The following ELAVL3 variants were observed in gnomAD, a reference collection of about 807,000 sequenced individuals.
The protein encoded by ELAVL3 is ELAV like RNA binding protein 3.
Under a neutral mutation model 34.2 loss-of-function variants are expected in ELAVL3, and 8 were observed. The ratio of observed to expected loss-of-function variants is 0.23; its 90% CI spans 0.14 to 0.42. ELAVL3 has a LOEUF of 0.42. ELAVL3 is among the 10% of genes least tolerant of loss of function. The probability of loss-of-function intolerance (pLI) is 1.00; values close to 1 mark genes in which losing one functional copy is unlikely to be tolerated. For missense variants in ELAVL3, 273 were observed against 518.8 expected (o/e 0.53, Z 4.60); for synonymous variants, 209 against 222.1 (o/e 0.94, Z 0.53).
chr19:11,465,497 TC>T lies in ELAVL3; in HGVS notation c.333+674del, dbSNP rs374284568. Among the ~76,000 whole-genome samples, 69 of 148,966 alleles carry T rather than the reference TC, an allele frequency of 4.6e-4. 1 individual carries two copies. The East Asian group carries it at 8.1e-3, about 17-fold the overall frequency. On this transcript the variant is annotated intron_variant, in intron 3 of 6. Coordinates refer to ENST00000359227, the MANE Select transcript of ELAVL3 (RefSeq NM_001420.4). ...GGGACCCATTGGGTCACAACTTCAC[TC>T]CCCCACCCCAATCCCCAACCCCCCA...
intron 1 of ELAVL3, among the ~76,000 whole-genome samples, chr19:11,471,944 G>A (rs191564460): frequency 1.3e-5 from 2 of 152,298 alleles, no homozygotes; most frequent in Non-Finnish European, 1.5e-5. Context: ...AACAGTGCTG[G>A]GATTTGACTG....
intron 5 of ELAVL3, 67 bp from the exon 6 acceptor site, chr19:11,457,215 C>T (rs1970786765): frequency 1.4e-6 from 2 of 1,475,194 alleles, no homozygotes; most frequent in Admixed American, 2.4e-5. Flanking sequence ...ACACCGTCGG[C>T]CTGCCCTCCC....
In ELAVL3 at chr19:11,457,141, T is replaced by C. The variant is rs1276753096; in HGVS notation, c.721A>G (p.Asn241Asp). ...HHQTQRFRLDNLLNMAYGVKS... is the reference protein window; with the variant it reads ...HHQTQRFRLDDLLNMAYGVKS... ...ACGCCGTAGGCCATGTTGAGCAAATTGTCCAGCCTGTGGAGGCAGAGGTGG... is the reference window on the plus strand; with the variant it reads ...ACGCCGTAGGCCATGTTGAGCAAATCGTCCAGCCTGTGGAGGCAGAGGTGG... Residue 241 changes from asparagine to aspartate, a missense_variant, in exon 6 of 7, where the codon AAT (asparagine) becomes GAT (aspartate). Around this residue, in one of 4 missense-constraint regions of ELAVL3, gnomAD observed 79 missense variants for 108.2 expected, o/e 0.73. Coordinates refer to ENST00000359227, the MANE Select transcript of ELAVL3 (RefSeq NM_001420.4). The C allele has an allele frequency of 3.2e-6, 5 of 1,547,916 alleles. No individual in the cohort carries two copies. Among genetic ancestry groups the C allele is most frequent in the Admixed American group, 2.1e-5 (1 of 47,912 alleles).
Position 11,457,930 on chromosome 19 carries a change from CAGAT to C in ELAVL3, c.713+127_713+130del, listed in dbSNP as rs1452548924. The C allele has an allele frequency of 2.5e-5, 24 of 945,612 alleles. No homozygotes were observed. The Admixed American group carries it at 3.5e-4, about 14-fold the overall frequency. 58.6% of individuals were successfully genotyped at this position (945,612 alleles called of 1,614,324 possible). On this transcript the variant is annotated intron_variant, in intron 5 of 6. Transcript: ENST00000359227. ...ATGAGTGGCTGGCCTTGGCACCTGACAGATAGGCTCCTTGGCTCCCATGTGTGCG... is the reference window on the plus strand; with the variant it reads ...ATGAGTGGCTGGCCTTGGCACCTGACAGGCTCCTTGGCTCCCATGTGTGCG...
chr19:11,469,675 AT>A (rs1327288453), intron 1 of ELAVL3, among the ~76,000 whole-genome samples: 1 of 152,236 alleles, frequency 6.6e-6, no homozygotes, highest in African/African-American at 2.4e-5. Flanking sequence ...GCTTGATTTA[AT>A]TTGCTGAATT....
In ELAVL3 at chr19:11,452,493, T is replaced by G. The variant is rs1297317418; in HGVS notation, c.*2033A>C. 6.6e-6 allele frequency: 1 copy of G among 152,046 alleles called. No individual in the cohort carries two copies. The highest frequency in any genetic ancestry group is 6.6e-5 in the Admixed American group (1 of 15,266). The allele number at this position is 152,046 out of a possible 1,614,324, so 9.4% of individuals were successfully genotyped here. Reference sequence around the variant, plus strand: ...TTATGTCTTTTTTTTTTTTCCTTTTTTTTTTTTAAATCTCTTCTGTGTGTT... The same window carrying G: ...TTATGTCTTTTTTTTTTTTCCTTTTGTTTTTTTAAATCTCTTCTGTGTGTT... On this transcript the variant is annotated 3_prime_UTR_variant, in exon 7 of 7. Coordinates refer to ENST00000359227, the MANE Select transcript of ELAVL3 (RefSeq NM_001420.4).
intron 1 of ELAVL3, among the ~76,000 whole-genome samples, chr19:11,473,877 A>G (rs1204731467): frequency 6.6e-6 from 1 of 152,120 alleles, no homozygotes; most frequent in Non-Finnish European, 1.5e-5. Flanking sequence ...TTTGCTGCAA[A>G]CTCCAAATTA....
intron 1 of ELAVL3, among the ~76,000 whole-genome samples, chr19:11,476,323 A>T (rs1971262340): frequency 6.6e-6 from 1 of 152,106 alleles, no homozygotes; most frequent in Admixed American, 6.6e-5. Flanking sequence ...AAGATCATTT[A>T]AGCCTAGGAG....
In ELAVL3 at chr19:11,474,664, G is replaced by A. The variant is rs143854904; in HGVS notation, c.9+5936C>T. Among the ~76,000 whole-genome samples, 1,138 of 152,074 alleles carry A rather than the reference G, an allele frequency of 7.5e-3. 7 individuals carry two copies. Among genetic ancestry groups the A allele is most frequent in the South Asian group, 0.015 (74 of 4,808 alleles). ...GCCTATTATTCTTTTATTTAAAGAT[G>A]GGGTCTCTCTATGTTGTCCAGCCTG... On this transcript the variant is annotated intron_variant, in intron 1 of 6. Coordinates refer to ENST00000359227, the MANE Select transcript of ELAVL3 (RefSeq NM_001420.4).
intron 3 of ELAVL3, among the ~76,000 whole-genome samples, chr19:11,461,348 G>C (rs1970879808): frequency 6.6e-6 from 1 of 152,110 alleles, no homozygotes; most frequent in Non-Finnish European, 1.5e-5. Flanking sequence ...TGGTAGGGAA[G>C]TCCACCTCTC....
chr19:11,466,314 C>T lies in ELAVL3; in HGVS notation c.230-39G>A. ...CAGAATGATGACCTTCCCACCCAGC[C>T]TTGACACCTGCCAGTGTCCCACCTC... On this transcript the variant is annotated intron_variant, in intron 2 of 6. Coordinates refer to ENST00000359227, the MANE Select transcript of ELAVL3 (RefSeq NM_001420.4). This position sits in a 1 kb window ranked among gnomAD's most constrained non-coding sequence, Gnocchi z 5.0. 6.3e-7 allele frequency: 1 copy of T among 1,580,386 alleles called. No homozygotes were observed. The highest frequency in any genetic ancestry group is 8.7e-7 in the Non-Finnish European group (1 of 1,149,888).
chr19:11,457,245 T>G (rs1599528926), intron 5 of ELAVL3, 97 bp from the exon 6 acceptor site: 5 of 1,132,858 alleles, frequency 4.4e-6, no homozygotes, highest in Non-Finnish European at 5.7e-6. Context: ...CCAACAGGCC[T>G]GCAGCAGAGC....
chr19:11,464,603 ATACAC>A (rs1325644600), intron 3 of ELAVL3, among the ~76,000 whole-genome samples: 10 of 148,428 alleles, frequency 6.7e-5, no homozygotes, highest in South Asian at 4.3e-4. Context: ...ACACACACAC[ATACAC>A]CACACACACC....
chr19:11,464,151 C>A (rs394345), intron 3 of ELAVL3, among the ~76,000 whole-genome samples: 45,409 of 85,292 alleles, frequency 0.53, 11,723 homozygotes, highest in Non-Finnish European at 0.61. Flanking sequence ...CTCTCTCTCT[C>A]TATATATATA....
At chr19:11,459,077 A>G (rs1324975704) in intron 3 of ELAVL3, among the ~76,000 whole-genome samples, 1 of 151,288 alleles carries the variant, frequency 6.6e-6, no homozygotes, top group East Asian at 1.9e-4. Context: ...CCCCGCAAGT[A>G]GCTGAGACTA....
chr19:11,465,642 C>T (rs1318906035), intron 3 of ELAVL3, among the ~76,000 whole-genome samples: 1 of 152,042 alleles, frequency 6.6e-6, no homozygotes, highest in Non-Finnish European at 1.5e-5. Flanking sequence ...CAGGGCGGAG[C>T]CCAAACACCC....
chr19:11,464,135 C>G (rs1441095240), intron 3 of ELAVL3, among the ~76,000 whole-genome samples: 4 of 108,584 alleles, frequency 3.7e-5, no homozygotes, highest in African/African-American at 1.0e-4. Flanking sequence ...CTCTCTCTCT[C>G]TCTCTCTCTC....
At chr19:11,474,074 C>G (rs1490059815) in intron 1 of ELAVL3, among the ~76,000 whole-genome samples, 2 of 152,098 alleles carry the variant, frequency 1.3e-5, no homozygotes, top group African/African-American at 4.8e-5. Context: ...GCTCTGTCAC[C>G]CAGACTGGGG....
chr19:11,477,087 G>C (rs1415624135), intron 1 of ELAVL3, among the ~76,000 whole-genome samples: 1 of 152,124 alleles, frequency 6.6e-6, no homozygotes, highest in African/African-American at 2.4e-5. Flanking sequence ...TCCATCGGTT[G>C]AGTCTATTAA....
Sources: allele counts gnomAD v4.1 joint callset (sites outside exome capture counted in the v4.1 genomes callset), GRCh38; gene constraint gnomAD v4.1.1; regional missense constraint gnomAD v4.1.1; non-coding constraint Gnocchi (gnomAD v3.1); transcripts MANE v1.5; gene names NCBI Gene and HGNC (gene_info 2026-07-23, HGNC 2026-07-21).